The following TCF3 variants were observed in gnomAD, a reference collection of about 807,000 sequenced individuals.
TCF3 encodes the protein transcription factor 3, also known as transcription factor E2-alpha.
Under a neutral mutation model 72.3 loss-of-function variants are expected in TCF3, and 54 were observed. The observed-to-expected ratio is 0.75, with a 90% CI of 0.60 to 0.94. TCF3 has a LOEUF of 0.94. Among genes scored for constraint, TCF3 ranks in the 40% least tolerant of loss-of-function variants. The probability of loss-of-function intolerance (pLI) is 0.00; values close to 1 mark genes in which losing one functional copy is unlikely to be tolerated. For synonymous variants in TCF3, 525 were observed against 412.6 expected (o/e 1.27, Z -3.30); for missense variants, 1,078 against 934.4 (o/e 1.15, Z -2.00).
intron 3 of TCF3, among the ~76,000 whole-genome samples, chr19:1,639,105 G>A (rs1166391506): frequency 1.3e-5 from 2 of 152,190 alleles, no homozygotes; most frequent in African/African-American, 2.4e-5. Context: ...GTGCGGTGGC[G>A]CGATCTCAGC....
At chr19:1,624,554 T>G (rs1274033663) in intron 7 of TCF3, among the ~76,000 whole-genome samples, 1 of 152,210 alleles carries the variant, frequency 6.6e-6, no homozygotes, top group Non-Finnish European at 1.5e-5. Context: ...GAGAAGCCCC[T>G]TGGCCCCACC....
intron 8 of TCF3, 25 bp from the exon 9 acceptor site, chr19:1,622,440 G>C: frequency 8.1e-7 from 1 of 1,238,326 alleles, no homozygotes; most frequent in Non-Finnish European, 1.1e-6. Flanking sequence ...GCGGTGGGGG[G>C]TGCAGTCAGG....
intron 8 of TCF3, among the ~76,000 whole-genome samples, chr19:1,623,545 G>A (rs979015036): frequency 1.3e-5 from 2 of 151,946 alleles, no homozygotes; most frequent in East Asian, 1.9e-4. Context: ...CACCACGCCC[G>A]GCTGATTTTT....
intron 3 of TCF3, among the ~76,000 whole-genome samples, chr19:1,642,157 C>CACACACACACACGCACGCGT (rs2065355294): frequency 6.6e-6 from 1 of 151,690 alleles, no homozygotes; most frequent in East Asian, 1.9e-4. Context: ...CACACACACA[C>CACACACACACACGCACGCGT]ACACACACGC....
At chr19:1,648,100 G>T (rs1197054762) in intron 2 of TCF3, among the ~76,000 whole-genome samples, 1 of 152,324 alleles carries the variant, frequency 6.6e-6, no homozygotes, top group East Asian at 1.9e-4. Context: ...AGCTAGCCTG[G>T]GTCAGGGCAG....
chr19:1,629,804 G>A (rs2063478943), intron 5 of TCF3, among the ~76,000 whole-genome samples: 1 of 152,134 alleles, frequency 6.6e-6, no homozygotes, highest in African/African-American at 2.4e-5. Context: ...CCCGATTTTT[G>A]AATTTTAAAA....
Position 1,610,870 on chromosome 19 carries a change from A to G in TCF3, c.*837T>C, listed in dbSNP as rs1019103900. On this transcript the variant is annotated 3_prime_UTR_variant, in exon 19 of 19. Transcript: ENST00000262965. The stretch of plus-strand genomic sequence containing the variant: ...CAAAACCAAGAGAACCCCCAACATC[A>G]AAAAAACAAAAGACCCGCCGCCTGT... 5.0e-6 allele frequency: 1 copy of G among 198,866 alleles called. No homozygotes were observed. The highest frequency in any genetic ancestry group is 2.4e-5 in the African/African-American group (1 of 42,090). 12.3% of individuals were successfully genotyped at this position (198,866 alleles called of 1,614,324 possible). A position where few individuals can be genotyped will look rare whatever the true frequency, so the allele number is the denominator to read the frequency against.
intron 5 of TCF3, 111 bp downstream of exon 5, chr19:1,631,927 T>A: frequency 6.5e-7 from 1 of 1,544,618 alleles, no homozygotes; most frequent in South Asian, 1.2e-5. Flanking sequence ...GTCCACACCC[T>A]CTGGGTGAAC....
At chr19:1,632,686 T>C (rs1435681021) in intron 3 of TCF3, among the ~76,000 whole-genome samples, 1 of 152,146 alleles carries the variant, frequency 6.6e-6, no homozygotes, top group East Asian at 1.9e-4. Flanking sequence ...CCAGCTTTCA[T>C]ACCCTCCTTG....
chr19:1,642,587 A>G (rs961358247), intron 3 of TCF3, among the ~76,000 whole-genome samples: 3 of 152,132 alleles, frequency 2.0e-5, no homozygotes, highest in African/African-American at 7.2e-5. Context: ...CCCTTCCGAG[A>G]AGACCACCGC....
Position 1,631,943 on chromosome 19 carries a change from G to A in TCF3, c.298+95C>T, listed in dbSNP as rs903113272. ...TCCACACCCTCTGGGTGAACGCTGG[G>A]GACTTGCCTGGCGCTGTGCGTGCAC... On this transcript the variant is annotated intron_variant, in intron 5 of 18. Transcript: ENST00000262965. The A allele has an allele frequency of 3.9e-6, 6 of 1,550,430 alleles. No individual in the cohort carries two copies. In the South Asian group the frequency reaches 5.9e-5, roughly 15 times the overall value.
chr19:1,642,031 T>C (rs1332718171), intron 3 of TCF3, among the ~76,000 whole-genome samples: 5 of 149,480 alleles, frequency 3.3e-5, no homozygotes, highest in African/African-American at 1.2e-4. Context: ...GACAACAGAG[T>C]GAGACCTGGT....
intron 3 of TCF3, among the ~76,000 whole-genome samples, chr19:1,644,168 C>G (rs1256083643): frequency 6.6e-6 from 1 of 152,218 alleles, no homozygotes; most frequent in African/African-American, 2.4e-5. Context: ...CTGCCGGGAT[C>G]CCTCCGCCCC....
intron 18 of TCF3, among the ~76,000 whole-genome samples, chr19:1,612,800 C>G (rs1295803256): frequency 6.6e-6 from 1 of 150,922 alleles, no homozygotes; most frequent in African/African-American, 2.4e-5. Flanking sequence ...TTGGTGTGGG[C>G]AGCAGTGCAG....
chr19:1,625,672 G>A lies in TCF3; in HGVS notation c.403C>T (p.Pro135Ser), dbSNP rs1050106271. 4 of 1,526,342 alleles carry A rather than the reference G, an allele frequency of 2.6e-6. No homozygotes were observed. In the East Asian group the frequency reaches 7.9e-5, roughly 30 times the overall value. 94.5% of individuals were successfully genotyped at this position (1,526,342 alleles called of 1,614,324 possible). A position where few individuals can be genotyped will look rare whatever the true frequency, so the allele number is the denominator to read the frequency against. ...FLSGELALNS[P>S]GPLSPSGMKG... ...ATGCCCGAAGGGGACAGGGGCCCGG[G>A]GCTGTTGAGGGCCAGCTCGCCTGAC... The change falls in exon 7 of 19, where the codon CCC becomes TCC. Residue 135 changes from proline (P) to serine (S), a missense_variant. Physicochemically the swap from Pro to Ser is moderately conservative, Grantham distance 74. Transcript: ENST00000262965.
At position 1,648,827 on chromosome 19, in the gene TCF3, G is replaced by C. The variant is rs112017783; in HGVS notation, c.72+1350C>G. 1.6e-3 allele frequency among the ~76,000 whole-genome samples: 241 copies of C among 150,978 alleles called. 5 individuals carry two copies. The East Asian group carries it at 0.04, about 25-fold the overall frequency. On this transcript the variant is annotated intron_variant, in intron 2 of 18. Coordinates refer to ENST00000262965, the MANE Select transcript of TCF3 (RefSeq NM_003200.5). Reference sequence around the variant, plus strand: ...CGCTGCCACTGGGCATGGGGGGGGGGGGGGAGCAGAATTTAAGGACATCTG... The same window carrying C: ...CGCTGCCACTGGGCATGGGGGGGGGCGGGGAGCAGAATTTAAGGACATCTG...
At position 1,625,812 on chromosome 19, in the gene TCF3, T is replaced by C. The variant is rs11084904; in HGVS notation, c.367-104A>G. 0.27 allele frequency: 364,395 copies of C among 1,341,686 alleles called. 52,774 individuals carry two copies. Among genetic ancestry groups the C allele is most frequent in the East Asian group, 0.7 (22,434 of 32,190 alleles). 83.1% of individuals were successfully genotyped at this position (1,341,686 alleles called of 1,614,324 possible). A position where few individuals can be genotyped will look rare whatever the true frequency, so the allele number is the denominator to read the frequency against. The stretch of plus-strand genomic sequence containing the variant: ...AGGCCGAAGCCACTCAGACCCGCCC[T>C]GCAGTGGGTGATGCCCCTTCTGCCT... On this transcript the variant is annotated intron_variant, in intron 6 of 18. Transcript: ENST00000262965.
At chr19:1,626,902 G>A (rs1038083194) in intron 6 of TCF3, among the ~76,000 whole-genome samples, 2 of 152,150 alleles carry the variant, frequency 1.3e-5, no homozygotes, top group African/African-American at 2.4e-5. Flanking sequence ...TGGGGTGAGG[G>A]AGGAACCCTG....
intron 5 of TCF3, 56 bp downstream of exon 5, chr19:1,631,982 G>A: frequency 6.3e-7 from 1 of 1,587,892 alleles, no homozygotes; most frequent in Non-Finnish European, 8.6e-7. Context: ...CCATGCCAAG[G>A]CCCACGTCTG....
Sources: gnomAD v4.1 joint callset for allele counts (sites outside exome capture counted in the v4.1 genomes callset) on GRCh38, gnomAD v4.1.1 for gene constraint, MANE v1.5 for transcripts, NCBI Gene and HGNC (gene_info 2026-07-23, HGNC 2026-07-21) for gene names.